HIRA: variants seen among roughly 807,000 people sequenced by gnomAD.
The protein encoded by HIRA is histone cell cycle regulator.
A neutral mutation model predicts 126.6 loss-of-function variants in HIRA; 13 were observed. The ratio of observed to expected loss-of-function variants is 0.10; its 90% CI spans 0.07 to 0.16. HIRA has a LOEUF of 0.16. Among genes scored for constraint, HIRA ranks in the 10% least tolerant of loss-of-function variants. The pLI, the probability that HIRA is intolerant of heterozygous loss-of-function variation, is 1.00. For synonymous variants in HIRA, 511 were observed against 520.0 expected, an observed-to-expected ratio of 0.98 and a Z score of 0.24; for missense variants, 834 against 1,314.4, an observed-to-expected ratio of 0.63 and a Z score of 5.65.
intron 17 of HIRA, among the ~76,000 whole-genome samples, chr22:19,360,661 G>A (rs2088854743): frequency 6.6e-6 from 1 of 152,292 alleles, no homozygotes; most frequent in East Asian, 1.9e-4. Flanking sequence ...TGTGTGTGAC[G>A]GCACCATGGC....
At position 19,409,057 on chromosome 22, in the gene HIRA, C is replaced by T. The variant is rs2089329808; in HGVS notation, c.101-464G>A. On this transcript the variant is annotated intron_variant, in intron 2 of 24. Coordinates refer to ENST00000263208, the MANE Select transcript of HIRA (RefSeq NM_003325.4). ...GAAAAGCACACCCTAGTGGGGTTTC[C>T]CTCCCCTTCCAGGTGCTGCCTGGAA... Among the ~76,000 whole-genome samples the T allele has an allele frequency of 5.3e-5, 8 of 152,282 alleles. No individual in the cohort carries two copies. In the South Asian group the frequency reaches 1.7e-3, roughly 32 times the overall value.
At chr22:19,369,493 T>C (rs2088945140) in intron 15 of HIRA, among the ~76,000 whole-genome samples, 1 of 152,182 alleles carries the variant, frequency 6.6e-6, no homozygotes, top group African/African-American at 2.4e-5. Context: ...CCATTCTGCC[T>C]GAGAGGAGAT....
At chr22:19,346,244 C>T (rs550699105) in intron 24 of HIRA, among the ~76,000 whole-genome samples, 4 of 152,304 alleles carry the variant, frequency 2.6e-5, no homozygotes, top group Non-Finnish European at 5.9e-5. Flanking sequence ...AGGCCAGGCA[C>T]GGTGGCTCAC....
In HIRA at chr22:19,392,153, C is replaced by G; in HGVS notation, c.884G>C (p.Cys295Ser). 6.2e-7 allele frequency: 1 copy of G among 1,608,782 alleles called. No homozygotes were observed. The highest frequency in any genetic ancestry group is 8.5e-7 in the Non-Finnish European group (1 of 1,175,688). Residue 295 changes from cysteine to serine, a missense_variant, in exon 9 of 25, where the codon TGC becomes TCC. Physicochemically the swap from Cys to Ser is moderately radical, Grantham distance 112. Coordinates refer to ENST00000263208, the MANE Select transcript of HIRA (RefSeq NM_003325.4). ...QKNGSSAKPS[C>S]PYCCCAVGSK... ...GCCAACAGCACAGCAGCAGTACGGG[C>G]AGCTAGGCTTCGCAGAACTCCCATT...
intron 1 of HIRA, among the ~76,000 whole-genome samples, chr22:19,422,209 TATAC>T (rs1246614290): frequency 1.7e-5 from 2 of 117,030 alleles, no homozygotes; most frequent in African/African-American, 7.2e-5. Flanking sequence ...CATATATATA[TATAC>T]ATATATATAT....
At chr22:19,332,397 A>G (rs1262475127) in intron 24 of HIRA, among the ~76,000 whole-genome samples, 1 of 152,216 alleles carries the variant, frequency 6.6e-6, no homozygotes, top group Non-Finnish European at 1.5e-5. Flanking sequence ...TTGATGGAGG[A>G]GCAGCCCACA....
At position 19,331,673 on chromosome 22, in the gene HIRA, T is replaced by G. The variant is rs145435476; in HGVS notation, c.2938-117A>C. 349 of 972,678 alleles carry G rather than the reference T, an allele frequency of 3.6e-4. 1 individual carries two copies. The highest frequency in any genetic ancestry group is 4.9e-4 in the Non-Finnish European group (322 of 651,668). 60.3% of individuals were successfully genotyped at this position (972,678 alleles called of 1,614,324 possible). A position where few individuals can be genotyped will look rare whatever the true frequency, so the allele number is the denominator to read the frequency against. On this transcript the variant is annotated intron_variant, in intron 24 of 24. Transcript: ENST00000263208. ...GCTCACGGGAGAAGGAAAGAACAAT[T>G]CCTCTGCAGGTGAGAAACTGTGAGA...
intron 15 of HIRA, among the ~76,000 whole-genome samples, chr22:19,371,623 A>G (rs532963278): frequency 8.6e-6 from 1 of 116,154 alleles, no homozygotes; most frequent in Non-Finnish European, 1.6e-5. Context: ...ATTGGTACTC[A>G]CTCCTTATCC....
chr22:19,405,357 T>C (rs1004382493), intron 5 of HIRA: 4 of 365,436 alleles, frequency 1.1e-5, no homozygotes, highest in Non-Finnish European at 1.5e-5. Context: ...CTTCTTTCCA[T>C]GCCAAGTTTA....
chr22:19,359,437 T>C lies in HIRA; in HGVS notation c.2133A>G (p.Thr711=), dbSNP rs1437873350. The change falls in exon 18 of 25, where the codon ACA becomes ACG. Residue 711 remains threonine (T), a synonymous_variant. Coordinates refer to ENST00000263208, the MANE Select transcript of HIRA (RefSeq NM_003325.4). ...SMYIEVENEV[T]VVGGVKLSRL... The stretch of plus-strand genomic sequence containing the variant: ...GGCTCAGCTTCACGCCCCCCACCAC[T>C]GTCACTTCATTCTCCACCTCAATGT... The C allele has an allele frequency of 1.2e-6, 2 of 1,609,760 alleles. No individual in the cohort carries two copies. Among genetic ancestry groups the C allele is most frequent in the African/African-American group, 1.3e-5 (1 of 74,940 alleles).
chr22:19,410,601 C>T lies in HIRA; in HGVS notation c.100+115G>A, dbSNP rs895826913. On this transcript the variant is annotated intron_variant, in intron 2 of 24. Coordinates refer to ENST00000263208, the MANE Select transcript of HIRA (RefSeq NM_003325.4). ...CATTATAACTGTACATTTTAAACAGCGTTGCATCCATCCTGAAAAATAGCA... is the reference window on the plus strand; with the variant it reads ...CATTATAACTGTACATTTTAAACAGTGTTGCATCCATCCTGAAAAATAGCA... 2.0e-5 allele frequency: 15 copies of T among 750,580 alleles called. 1 individual carries two copies. Among genetic ancestry groups the T allele is most frequent in the African/African-American group, 1.6e-4 (9 of 57,032 alleles). The allele number at this position is 750,580 out of a possible 1,614,324, so 46.5% of individuals were successfully genotyped here. A position where few individuals can be genotyped will look rare whatever the true frequency, so the allele number is the denominator to read the frequency against.
At chr22:19,397,055 T>G in intron 6 of HIRA, 108 bp from the exon 7 acceptor site, 1 of 1,001,472 alleles carries the variant, frequency 1.0e-6, no homozygotes, top group Non-Finnish European at 1.5e-6. Context: ...CAGTCTGCCA[T>G]GGCCAGCCCC....
chr22:19,353,666 G>A, intron 22 of HIRA, 147 bp from the exon 23 acceptor site: 1 of 847,144 alleles, frequency 1.2e-6, no homozygotes, highest in Non-Finnish European at 1.8e-6. Context: ...TCTGTTGGCA[G>A]ATGCCAGATC....
At position 19,424,247 on chromosome 22, in the gene HIRA, G is replaced by A. The variant is rs188258937; in HGVS notation, c.37+7193C>T. ...TTTTATTCAGATATCCACTCTGCCC[G>A]TTATGTAAGCCAGTAGGCAACGATG... On this transcript the variant is annotated intron_variant, in intron 1 of 24. Coordinates refer to ENST00000263208, the MANE Select transcript of HIRA (RefSeq NM_003325.4). Among the ~76,000 whole-genome samples, 25 of 152,332 alleles carry A rather than the reference G, an allele frequency of 1.6e-4. 2 individuals are homozygous for A. The Middle Eastern group carries it at 0.024, about 145-fold the overall frequency.
At position 19,392,032 on chromosome 22, in the gene HIRA, T is replaced by G. The variant is rs45498292; in HGVS notation, c.936+69A>C. 0.079 allele frequency: 67,589 copies of G among 858,280 alleles called. 2,946 individuals carry two copies. Among genetic ancestry groups the G allele is most frequent in the Middle Eastern group, 0.12 (326 of 2,626 alleles). The allele number at this position is 858,280 out of a possible 1,614,324, so 53.2% of individuals were successfully genotyped here. A position where few individuals can be genotyped will look rare whatever the true frequency, so the allele number is the denominator to read the frequency against. On this transcript the variant is annotated intron_variant, in intron 9 of 24. Coordinates refer to ENST00000263208, the MANE Select transcript of HIRA (RefSeq NM_003325.4). ...TAGCATCACCCAAAGCAGGTCTCTT[T>G]CCTCCACTTGCTACTTTACCAACCT...
intron 3 of HIRA, among the ~76,000 whole-genome samples, chr22:19,408,031 C>T (rs533020212): frequency 2.0e-5 from 3 of 152,196 alleles, no homozygotes; most frequent in Non-Finnish European, 2.9e-5. Flanking sequence ...AGTGACTGTT[C>T]ATTAAGCATC....
chr22:19,420,815 A>G (rs1309849568), intron 1 of HIRA, among the ~76,000 whole-genome samples: 1 of 152,226 alleles, frequency 6.6e-6, no homozygotes, highest in African/African-American at 2.4e-5. Flanking sequence ...CCATGTAACA[A>G]AACTGCACTT....
At chr22:19,364,755 T>C (rs1424899919) in intron 15 of HIRA, among the ~76,000 whole-genome samples, 1 of 152,210 alleles carries the variant, frequency 6.6e-6, no homozygotes, top group Non-Finnish European at 1.5e-5. Flanking sequence ...ATATTGAAAT[T>C]AGGCCAATCG....
At chr22:19,358,038 C>T (rs1161168361) in intron 18 of HIRA, among the ~76,000 whole-genome samples, 1 of 152,168 alleles carries the variant, frequency 6.6e-6, no homozygotes, top group Non-Finnish European at 1.5e-5. Context: ...CTCGGTCTGT[C>T]GCCCAGGCTG....
Sources: allele counts gnomAD v4.1 joint callset (sites outside exome capture counted in the v4.1 genomes callset), GRCh38; gene constraint gnomAD v4.1.1; transcripts MANE v1.5; gene names NCBI Gene and HGNC (gene_info 2026-07-23, HGNC 2026-07-21).